Variants in NEDD4 observed in about 807,000 individuals in gnomAD.
NEDD4 encodes the protein E3 ubiquitin-protein ligase NEDD4.
Under a neutral mutation model 144.9 loss-of-function variants are expected in NEDD4, and 99 were observed. The ratio of observed to expected loss-of-function variants is 0.68; its 90% CI spans 0.58 to 0.81. The LOEUF (loss-of-function observed/expected upper bound fraction) is 0.81, where lower values mean the gene tolerates loss of function less well. NEDD4 is among the 30% of genes least tolerant of loss of function. The pLI is 0.00. For missense variants in NEDD4, 985 were observed against 1,065.9 expected (o/e 0.92, Z 1.06); for synonymous variants, 318 against 350.6 (o/e 0.91, Z 1.04).
chr15:55,928,092 C>G (rs1437556539), intron 4 of NEDD4, among the ~76,000 whole-genome samples: 1 of 152,148 alleles, frequency 6.6e-6, no homozygotes. Context: ...TCAGTGCAAC[C>G]TCCGTCTCCT....
chr15:55,947,869 G>A (rs2037151539), intron 4 of NEDD4, among the ~76,000 whole-genome samples: 2 of 152,260 alleles, frequency 1.3e-5, no homozygotes, highest in Non-Finnish European at 1.5e-5. Flanking sequence ...AAAACTGGAA[G>A]CATTCCCTTT....
intron 2 of NEDD4, among the ~76,000 whole-genome samples, chr15:55,952,146 G>T (rs2037252465): frequency 6.6e-6 from 1 of 151,672 alleles, no homozygotes; most frequent in Admixed American, 6.6e-5. Context: ...GGCTAACATG[G>T]TGAAACCCCG....
At chr15:55,866,426 T>C (rs1272009011) in intron 8 of NEDD4, among the ~76,000 whole-genome samples, 1 of 152,132 alleles carries the variant, frequency 6.6e-6, no homozygotes, top group Non-Finnish European at 1.5e-5. Context: ...CTTGCATATA[T>C]TGAATCAGAC....
chr15:55,951,328 G>GA, intron 4 of NEDD4, 48 bp downstream of exon 4: 4 of 768,544 alleles, frequency 5.2e-6, no homozygotes, highest in South Asian at 1.9e-5. Context: ...AACCTCCTAA[G>GA]AAAAAAACTT....
At chr15:55,889,038 C>T (rs1372569252) in intron 5 of NEDD4, among the ~76,000 whole-genome samples, 2 of 152,118 alleles carry the variant, frequency 1.3e-5, no homozygotes, top group Admixed American at 1.3e-4. Flanking sequence ...TTGGAGAAGG[C>T]AAAGATTTCT....
At chr15:55,972,517 T>C (rs2142340426) in intron 1 of NEDD4, among the ~76,000 whole-genome samples, 1 of 152,186 alleles carries the variant, frequency 6.6e-6, no homozygotes, top group East Asian at 1.9e-4. Flanking sequence ...AGTTAAAAAA[T>C]CTACAACAGA....
chr15:55,925,198 CACA>C (rs1392369847), intron 4 of NEDD4, among the ~76,000 whole-genome samples: 10 of 152,296 alleles, frequency 6.6e-5, no homozygotes, highest in South Asian at 6.2e-4. Flanking sequence ...CTAGTAGTTT[CACA>C]ACAACAACAA....
intron 5 of NEDD4, among the ~76,000 whole-genome samples, chr15:55,877,279 GTCTT>G (rs1359532969): frequency 9.2e-5 from 14 of 152,226 alleles, no homozygotes; most frequent in Admixed American, 2.0e-4. Flanking sequence ...AAGTACCTTA[GTCTT>G]TCTTTGTCTT....
At chr15:55,847,676 C>CTT (rs149696600) in intron 17 of NEDD4, among the ~76,000 whole-genome samples, 9 of 113,584 alleles carry the variant, frequency 7.9e-5, no homozygotes, top group Admixed American at 1.9e-4. Flanking sequence ...TTTCTTTTTC[C>CTT]TTTTTTTTTT....
intron 22 of NEDD4, 21 bp from the exon 23 acceptor site, chr15:55,838,201 T>G (rs1416572903): frequency 2.0e-6 from 3 of 1,512,022 alleles, no homozygotes; most frequent in Non-Finnish European, 2.7e-6. Flanking sequence ...ACACAATAAC[T>G]TGATATGTTA....
At chr15:55,954,240 A>G (rs1231180427) in intron 2 of NEDD4, among the ~76,000 whole-genome samples, 1 of 152,022 alleles carries the variant, frequency 6.6e-6, no homozygotes, top group South Asian at 2.1e-4. Context: ...TCTACGACAC[A>G]TCTCTTCTAG....
intron 5 of NEDD4, among the ~76,000 whole-genome samples, chr15:55,919,531 A>G (rs1372039536): frequency 6.6e-6 from 1 of 152,190 alleles, no homozygotes; most frequent in Non-Finnish European, 1.5e-5. Flanking sequence ...CTATACTGCT[A>G]TTATAGCAGT....
chr15:55,867,046 A>G (rs896681053), intron 8 of NEDD4, among the ~76,000 whole-genome samples: 36 of 152,252 alleles, frequency 2.4e-4, no homozygotes, highest in Non-Finnish European at 2.4e-4. Flanking sequence ...TAAAATACAT[A>G]CAACTAACCC....
At chr15:55,903,130 C>G (rs2035964218) in intron 5 of NEDD4, among the ~76,000 whole-genome samples, 2 of 152,142 alleles carry the variant, frequency 1.3e-5, no homozygotes, top group Non-Finnish European at 1.5e-5. Flanking sequence ...TTGATCTGGA[C>G]TATACATTCT....
intron 4 of NEDD4, among the ~76,000 whole-genome samples, chr15:55,948,276 T>G (rs2037163764): frequency 6.6e-6 from 1 of 151,986 alleles, no homozygotes; most frequent in Non-Finnish European, 1.5e-5. Flanking sequence ...GGAGAACTAC[T>G]CAAACTACTG....
In NEDD4 at chr15:55,916,298, TC is replaced by T. The variant is rs766109912; in HGVS notation, c.291+8347del. ...TGATGACACTGTTAGTATATGAACC[TC>T]CACTTGTGATACTTGCACATGACCC... On this transcript the variant is annotated intron_variant, in intron 5 of 28. Transcript: ENST00000435532. 2.5e-6 allele frequency: 4 copies of T among 1,613,894 alleles called. No homozygotes were observed. The East Asian group carries it at 8.9e-5, about 36-fold the overall frequency.
chr15:55,845,455 C>T (rs1478369344), intron 18 of NEDD4, among the ~76,000 whole-genome samples: 1 of 152,132 alleles, frequency 6.6e-6, no homozygotes, highest in Non-Finnish European at 1.5e-5. Context: ...AAATGAATAA[C>T]ATATGTAAAC....
At chr15:55,972,748 C>T (rs1393728888) in intron 1 of NEDD4, among the ~76,000 whole-genome samples, 1 of 152,144 alleles carries the variant, frequency 6.6e-6, no homozygotes, top group Non-Finnish European at 1.5e-5. Flanking sequence ...ACAAGAAACA[C>T]ACTTCACCTA....
At position 55,993,605 on chromosome 15, in the gene NEDD4, G is replaced by A. The variant is rs745525670; in HGVS notation, c.-50C>T. 12 of 1,579,608 alleles carry A rather than the reference G, an allele frequency of 7.6e-6. No individual in the cohort carries two copies. Among genetic ancestry groups the A allele is most frequent in the African/African-American group, 5.6e-5 (4 of 71,540 alleles). ...ACGCGCTCGCCCCCGCCCAGGGCAG[G>A]CAACTGTGGAGGAGGAGGAGGAGAA... On this transcript the variant is annotated 5_prime_UTR_variant, in exon 1 of 29. Coordinates refer to ENST00000435532, the MANE Select transcript of NEDD4 (RefSeq NM_006154.4).
Sources: allele counts gnomAD v4.1 joint callset (sites outside exome capture counted in the v4.1 genomes callset), GRCh38; gene constraint gnomAD v4.1.1; transcripts MANE v1.5; gene names NCBI Gene and HGNC (gene_info 2026-07-23, HGNC 2026-07-21).